Variants in AGBL1 observed in about 807,000 individuals in gnomAD.
AGBL1 encodes the protein AGBL carboxypeptidase 1, also known as cytosolic carboxypeptidase 4.
AGBL1 carries 130 observed loss-of-function variants against 118.9 expected under a neutral mutation model. The ratio of observed to expected loss-of-function variants is 1.09; its 90% CI spans 0.95 to 1.26. AGBL1 has a LOEUF of 1.26. Among genes scored for constraint, AGBL1 ranks in the 50% most tolerant of loss-of-function variants. The pLI, the probability that AGBL1 is intolerant of heterozygous loss-of-function variation, is 0.00. For missense variants in AGBL1, 1,584 were observed against 1,298.1 expected (o/e 1.22, Z -3.38); for synonymous variants, 555 against 478.9 (o/e 1.16, Z -2.08).
At chr15:86,142,135 G>C in intron 2 of AGBL1, 68 bp downstream of exon 2, 1 of 1,488,476 alleles carries the variant, frequency 6.7e-7, no homozygotes. Context: ...ATCTCTCCCA[G>C]GCACCTCTGT....
At chr15:86,956,494 G>T (rs1488639439) in intron 23 of AGBL1, among the ~76,000 whole-genome samples, 2 of 152,028 alleles carry the variant, frequency 1.3e-5, no homozygotes, top group Non-Finnish European at 2.9e-5. Context: ...TTGCATACTT[G>T]AGTGTAAAAA....
At position 86,915,546 on chromosome 15, in the gene AGBL1, T is replaced by A. The variant is rs72754042; in HGVS notation, c.*8252T>A. On this transcript the variant is annotated 3_prime_UTR_variant, in exon 23 of 23. Transcript: ENST00000614907. Reference sequence around the variant, plus strand: ...GGCTCCTCCAAGAAGTCTCCCATGATCTGATTCTGAGTTCCTACTGTCATC... The same window carrying A: ...GGCTCCTCCAAGAAGTCTCCCATGAACTGATTCTGAGTTCCTACTGTCATC... 17,736 of 152,194 alleles carry A rather than the reference T, an allele frequency of 0.12. 1,130 individuals are homozygous for A. The highest frequency in any genetic ancestry group is 0.16 in the African/African-American group (6,445 of 41,474). The allele number at this position is 152,194 out of a possible 1,614,324, so 9.4% of individuals were successfully genotyped here.
intron 22 of AGBL1, among the ~76,000 whole-genome samples, chr15:86,859,836 A>G (rs891474273): frequency 6.6e-6 from 1 of 152,144 alleles, no homozygotes; most frequent in East Asian, 1.9e-4. Context: ...GGAGTCAGAC[A>G]TGCTTGCTTC....
chr15:86,421,503 C>G (rs2081789305), intron 18 of AGBL1, among the ~76,000 whole-genome samples: 1 of 152,082 alleles, frequency 6.6e-6, no homozygotes, highest in African/African-American at 2.4e-5. Context: ...CAAAAACATA[C>G]CAAAAGGTAA....
intron 17 of AGBL1, among the ~76,000 whole-genome samples, chr15:86,327,979 C>T (rs2080209974): frequency 6.6e-6 from 1 of 152,042 alleles, no homozygotes; most frequent in Non-Finnish European, 1.5e-5. Flanking sequence ...TATGTGGACC[C>T]CATACCTATA....
chr15:86,788,909 T>C (rs991516709), intron 22 of AGBL1, among the ~76,000 whole-genome samples: 12 of 152,158 alleles, frequency 7.9e-5, no homozygotes, highest in East Asian at 1.9e-4. Context: ...AGGCATAAGA[T>C]TGGGGTTCAC....
intron 22 of AGBL1, among the ~76,000 whole-genome samples, chr15:86,856,859 T>C (rs2079489731): frequency 6.6e-6 from 1 of 152,204 alleles, no homozygotes; most frequent in South Asian, 2.1e-4. Context: ...TATGCTGACT[T>C]TGCAAATGAA....
At chr15:86,833,572 A>C (rs894212948) in intron 22 of AGBL1, among the ~76,000 whole-genome samples, 1 of 152,106 alleles carries the variant, frequency 6.6e-6, no homozygotes, top group African/African-American at 2.4e-5. Flanking sequence ...AGGTCCAATT[A>C]AACTTCCTTT....
intron 17 of AGBL1, among the ~76,000 whole-genome samples, chr15:86,352,451 C>T (rs2080642363): frequency 6.6e-6 from 1 of 151,334 alleles, no homozygotes; most frequent in South Asian, 2.1e-4. Flanking sequence ...GGTTTTGTAT[C>T]TTTCCTTGTC....
intron 19 of AGBL1, among the ~76,000 whole-genome samples, chr15:86,523,766 C>T (rs1168646768): frequency 6.6e-6 from 1 of 152,084 alleles, no homozygotes; most frequent in African/African-American, 2.4e-5. Flanking sequence ...GCTGTTTTCC[C>T]AAGCCTCTAG....
At chr15:86,269,795 C>A in intron 13 of AGBL1, 124 bp from the exon 14 acceptor site, 1 of 1,131,744 alleles carries the variant, frequency 8.8e-7, no homozygotes, top group Non-Finnish European at 1.2e-6. Context: ...TATAACTTAC[C>A]AGCTGGCTGA....
chr15:86,926,816 A>G (rs1254874420), intron 23 of AGBL1, among the ~76,000 whole-genome samples: 2 of 152,204 alleles, frequency 1.3e-5, no homozygotes, highest in Admixed American at 6.5e-5. Flanking sequence ...CAGGAGTTGT[A>G]CTTTTAGAAC....
chr15:86,821,931 A>C (rs1385746725), intron 22 of AGBL1, among the ~76,000 whole-genome samples: 1 of 152,106 alleles, frequency 6.6e-6, no homozygotes, highest in Non-Finnish European at 1.5e-5. Flanking sequence ...GGCACAACCC[A>C]ACCCACCTTA....
At chr15:87,030,001 C>T (rs1000597949), downstream of AGBL1, among the ~76,000 whole-genome samples, 1 of 151,476 alleles carries the variant, frequency 6.6e-6, no homozygotes, top group Non-Finnish European at 1.5e-5. Flanking sequence ...TTCTTTTTGA[C>T]TAAGGATAAA....
chr15:86,917,866 TA>T (rs57222378), downstream of AGBL1, among the ~76,000 whole-genome samples: 2 of 151,654 alleles, frequency 1.3e-5, no homozygotes, highest in Non-Finnish European at 2.9e-5. The surrounding 1 kb of genome is among the most constrained non-coding windows in gnomAD (Gnocchi z 4.8). Flanking sequence ...TCCTGACTCA[TA>T]AAAAAGTGAT....
intron 17 of AGBL1, among the ~76,000 whole-genome samples, chr15:86,394,751 A>G (rs940088760): frequency 6.6e-6 from 1 of 152,140 alleles, no homozygotes; most frequent in African/African-American, 2.4e-5. Flanking sequence ...TGGAGGAAGA[A>G]GAAGGGCGAA....
At chr15:86,227,006 A>T (rs1299354221) in intron 6 of AGBL1, among the ~76,000 whole-genome samples, 3 of 152,180 alleles carry the variant, frequency 2.0e-5, no homozygotes, top group Admixed American at 6.5e-5. Context: ...TTGTTGACTA[A>T]ATTTTTTTTG....
chr15:86,293,700 T>A (rs1451586833), intron 16 of AGBL1, among the ~76,000 whole-genome samples: 1 of 152,240 alleles, frequency 6.6e-6, no homozygotes, highest in African/African-American at 2.4e-5. Flanking sequence ...GTAAGTTATT[T>A]CCACATGTAA....
At chr15:86,932,874 A>C (rs1321937056) in intron 23 of AGBL1, 2 of 152,190 alleles carry the variant, frequency 1.3e-5, no homozygotes, top group African/African-American at 4.8e-5. Context: ...GTGCTTGAAA[A>C]AAATGTTCTG....
Sources: allele counts gnomAD v4.1 joint callset (sites outside exome capture counted in the v4.1 genomes callset), GRCh38; gene constraint gnomAD v4.1.1; non-coding constraint Gnocchi (gnomAD v3.1); transcripts MANE v1.5; gene names NCBI Gene and HGNC (gene_info 2026-07-23, HGNC 2026-07-21).